Variants in DPP10 observed in about 807,000 individuals in gnomAD.
The protein encoded by DPP10 is inactive dipeptidyl peptidase 10.
A neutral mutation model predicts 120.9 loss-of-function variants in DPP10; 33 were observed. The observed-to-expected ratio is 0.27, with a 90% CI of 0.21 to 0.37. DPP10 has a LOEUF of 0.37. Among genes scored for constraint, DPP10 ranks in the 10% least tolerant of loss-of-function variants. The pLI, the probability that DPP10 is intolerant of heterozygous loss-of-function variation, is 1.00. For missense variants in DPP10, 816 were observed against 942.8 expected (o/e 0.87, Z 1.76); for synonymous variants, 337 against 326.1 (o/e 1.03, Z -0.36).
intron 1 of DPP10, among the ~76,000 whole-genome samples, chr2:115,009,971 T>C (rs1485616328): frequency 6.6e-6 from 1 of 152,208 alleles, no homozygotes; most frequent in Non-Finnish European, 1.5e-5. Flanking sequence ...TACTAGTTCC[T>C]TTTCAGTTTG....
chr2:114,820,644 C>T (rs148541666), intron 1 of DPP10, among the ~76,000 whole-genome samples: 283 of 152,286 alleles, frequency 1.9e-3, no homozygotes, highest in African/African-American at 6.2e-3. Context: ...GGAGATGGAA[C>T]GAGTGCTGAG....
chr2:115,362,092 T>G (rs1180161031), intron 3 of DPP10, among the ~76,000 whole-genome samples: 3 of 152,194 alleles, frequency 2.0e-5, no homozygotes, highest in Non-Finnish European at 2.9e-5. Context: ...ATTTACTTAA[T>G]CAGCTTGGTT....
At chr2:115,425,991 T>C (rs6542262) in intron 3 of DPP10, among the ~76,000 whole-genome samples, 17,313 of 150,832 alleles carry the variant, frequency 0.11, 1,328 homozygotes, top group African/African-American at 0.2. Context: ...ACTGAACTAA[T>C]GAGGGATCTG....
chr2:115,820,794 G>GGT lies in DPP10; in HGVS notation c.1950+5068_1950+5069dup, dbSNP rs763942579. ...TTTTTATGGCTGAGTAGTATTCCAT[G>GGT]GTGTATGTGTGTGTGTGTGTGTGTG... is the stretch of plus-strand genomic sequence containing the variant. On this transcript the variant is annotated intron_variant, in intron 21 of 25. Transcript: ENST00000410059. Among the ~76,000 whole-genome samples, 683 of 112,730 alleles carry GGT rather than the reference G, an allele frequency of 6.1e-3. 7 individuals are homozygous for GGT. Among genetic ancestry groups the GGT allele is most frequent in the Middle Eastern group, 0.012 (3 of 244 alleles). 74.0% of individuals were successfully genotyped at this position (112,730 alleles called of 152,430 possible).
At chr2:115,241,130 G>C (rs778094530) in intron 1 of DPP10, among the ~76,000 whole-genome samples, 4 of 152,156 alleles carry the variant, frequency 2.6e-5, no homozygotes. Flanking sequence ...TTAGCTGGGC[G>C]TGGTGGCAGG....
intron 1 of DPP10, among the ~76,000 whole-genome samples, chr2:114,996,512 AT>A (rs558266726): frequency 6.6e-5 from 10 of 152,122 alleles, no homozygotes; most frequent in Admixed American, 5.2e-4. Context: ...ACAAGTTTTA[AT>A]TTTTTTTAAT....
intron 1 of DPP10, among the ~76,000 whole-genome samples, chr2:114,955,818 G>A (rs564866637): frequency 5.3e-5 from 8 of 152,222 alleles, no homozygotes; most frequent in African/African-American, 1.9e-4. Context: ...TTGATACATT[G>A]TGTTAATAGA....
At chr2:115,751,948 G>T (rs1340371768) in intron 10 of DPP10, among the ~76,000 whole-genome samples, 1 of 148,806 alleles carries the variant, frequency 6.7e-6, no homozygotes, top group Non-Finnish European at 1.5e-5. Context: ...ATAGGCATGT[G>T]CCACAACACC....
intron 5 of DPP10, among the ~76,000 whole-genome samples, chr2:115,623,398 A>G (rs1417533861): frequency 6.6e-6 from 1 of 152,222 alleles, no homozygotes; most frequent in Non-Finnish European, 1.5e-5. Context: ...GAATGATTGA[A>G]ATGATTTTAT....
At chr2:115,791,255 C>G in intron 18 of DPP10, 32 bp from the exon 19 acceptor site, 1 of 1,604,588 alleles carries the variant, frequency 6.2e-7, no homozygotes, top group Non-Finnish European at 8.5e-7. Context: ...AAATGACTCT[C>G]CATCTTTAAT....
intron 1 of DPP10, among the ~76,000 whole-genome samples, chr2:115,017,063 G>C (rs3962146): frequency 0.45 from 60,275 of 132,602 alleles, 15,060 homozygotes; most frequent in Non-Finnish European, 0.55. Context: ...GTTGTGGAGT[G>C]GGGGGAGGGG....
At chr2:115,081,159 A>G (rs1274070131) in intron 1 of DPP10, among the ~76,000 whole-genome samples, 1 of 152,060 alleles carries the variant, frequency 6.6e-6, no homozygotes, top group Non-Finnish European at 1.5e-5. Context: ...TCTGCAGATT[A>G]CTGTCTTTCA....
intron 1 of DPP10, among the ~76,000 whole-genome samples, chr2:114,671,402 G>C (rs185883677): frequency 1.3e-5 from 2 of 152,064 alleles, no homozygotes; most frequent in Admixed American, 1.3e-4. Flanking sequence ...TGTGATCTCC[G>C]ATGTTGGAGG....
At chr2:115,608,653 A>T (rs924884945) in intron 5 of DPP10, among the ~76,000 whole-genome samples, 7 of 152,202 alleles carry the variant, frequency 4.6e-5, no homozygotes, top group African/African-American at 1.7e-4. Context: ...AGCCTTTAGC[A>T]TCTCTTTCTT....
intron 5 of DPP10, among the ~76,000 whole-genome samples, chr2:115,646,366 C>A (rs891070588): frequency 1.3e-5 from 2 of 152,004 alleles, no homozygotes; most frequent in Non-Finnish European, 2.9e-5. Flanking sequence ...GGAACACAGC[C>A]TGACTCTGGG....
intron 1 of DPP10, among the ~76,000 whole-genome samples, chr2:115,215,987 A>G (rs1011943526): frequency 3.3e-5 from 5 of 152,182 alleles, no homozygotes; most frequent in African/African-American, 1.2e-4. Flanking sequence ...AGAGAATGAA[A>G]TTATGTCTTC....
intron 3 of DPP10, among the ~76,000 whole-genome samples, chr2:115,398,117 A>G (rs2067813295): frequency 6.6e-6 from 1 of 151,358 alleles, no homozygotes; most frequent in Admixed American, 6.6e-5. Context: ...GAACTTAAAA[A>G]CTCATGGTTT....
rs569013883 is a variant in DPP10, at chr2:114,657,718, G to A, written c.60+214880G>A. ...AGCAACACCATGAGCAGATGTAGTAGCATACGTGAAAAAATTGGTTAAGCT... is the reference window on the plus strand; with the variant it reads ...AGCAACACCATGAGCAGATGTAGTAACATACGTGAAAAAATTGGTTAAGCT... On this transcript the variant is annotated intron_variant, in intron 1 of 25. Coordinates refer to ENST00000410059, the MANE Select transcript of DPP10 (RefSeq NM_020868.6). Among the ~76,000 whole-genome samples, 436 of 152,222 alleles carry A rather than the reference G, an allele frequency of 2.9e-3. 3 individuals carry two copies. Among genetic ancestry groups the A allele is most frequent in the African/African-American group, 0.01 (425 of 41,552 alleles).
At chr2:115,171,423 G>T (rs996720784) in intron 1 of DPP10, among the ~76,000 whole-genome samples, 15 of 151,796 alleles carry the variant, frequency 9.9e-5, no homozygotes, top group African/African-American at 3.6e-4. Context: ...ATTGGTAGCA[G>T]CATTGCCTTT....
Sources: allele counts gnomAD v4.1 joint callset (sites outside exome capture counted in the v4.1 genomes callset), GRCh38; gene constraint gnomAD v4.1.1; transcripts MANE v1.5; gene names NCBI Gene and HGNC (gene_info 2026-07-23, HGNC 2026-07-21).